Variants in ATP2B1 observed in about 807,000 individuals in gnomAD.
ATP2B1 encodes plasma membrane calcium-transporting ATPase 1.
In ATP2B1, 14 loss-of-function variants were observed where a neutral mutation model predicts 124.2. The ratio of observed to expected loss-of-function variants is 0.11; its 90% CI spans 0.07 to 0.18. The LOEUF (loss-of-function observed/expected upper bound fraction) is 0.18. Ranked by LOEUF, ATP2B1 falls within the 10% of genes least tolerant of loss-of-function variation. ATP2B1 has a pLI of 1.00. For missense variants in ATP2B1, 763 were observed against 1,466.1 expected (o/e 0.52, Z 7.83); for synonymous variants, 449 against 492.4 (o/e 0.91, Z 1.17).
chr12:89,707,030 T>A (rs1274180990), intron 1 of ATP2B1, among the ~76,000 whole-genome samples: 3 of 149,116 alleles, frequency 2.0e-5, no homozygotes, highest in East Asian at 4.2e-4. Context: ...AAAAAAAAAA[T>A]GTTTCTATTT....
rs1491452210 is a variant in ATP2B1 at position 89,677,954 on chromosome 12, T to TTATATATATATATGTATATA, written c.-221-21848_-221-21847insTATATACATATATATATATA. Among the ~76,000 whole-genome samples, 266 of 68,648 alleles carry TTATATATATATATGTATATA rather than the reference T, an allele frequency of 3.9e-3. 24 individuals carry two copies. Among genetic ancestry groups the TTATATATATATATGTATATA allele is most frequent in the South Asian group, 0.017 (30 of 1,726 alleles). The allele number at this position is 68,648 out of a possible 152,430, so 45.0% of individuals were successfully genotyped here. A position where few individuals can be genotyped will look rare whatever the true frequency, so the allele number is the denominator to read the frequency against. ...TCAGGGGGTTGGGGGCATGCAGGAA[T>TTATATATATATATGTATATA]TATATATATATATATATACACACAC... On this transcript the variant is annotated intron_variant, in intron 1 of 20. Transcript: ENST00000428670.
chr12:89,601,460 A>C, intron 18 of ATP2B1, 27 bp from the exon 19 acceptor site: 1 of 1,421,298 alleles, frequency 7.0e-7, no homozygotes, highest in Non-Finnish European at 9.5e-7. Context: ...GAGTAAATTT[A>C]CTTAAATCTT....
At chr12:89,621,423 A>T in intron 10 of ATP2B1, 126 bp downstream of exon 10, 1 of 685,480 alleles carries the variant, frequency 1.5e-6, no homozygotes, top group Non-Finnish European at 2.1e-6. Context: ...TATATAAATA[A>T]ATATATGCCT....
intron 1 of ATP2B1, among the ~76,000 whole-genome samples, chr12:89,703,976 T>C (rs992457310): frequency 6.6e-6 from 1 of 152,286 alleles, no homozygotes; most frequent in Middle Eastern, 3.4e-3. Flanking sequence ...CTCCCCCAGG[T>C]GATTCTTCAT....
intron 8 of ATP2B1, among the ~76,000 whole-genome samples, chr12:89,625,537 A>C (rs1297424555): frequency 7.1e-6 from 1 of 140,424 alleles, no homozygotes; most frequent in African/African-American, 2.7e-5. Flanking sequence ...GTGAGCTGTG[A>C]TCATGCCACT....
chr12:89,608,315 C>T (rs755369300), intron 15 of ATP2B1, among the ~76,000 whole-genome samples: 1 of 151,946 alleles, frequency 6.6e-6, no homozygotes, highest in Non-Finnish European at 1.5e-5. Flanking sequence ...ATTACAGGCG[C>T]GACCACCACA....
intron 1 of ATP2B1, among the ~76,000 whole-genome samples, chr12:89,687,006 C>T (rs191269743): frequency 1.3e-5 from 2 of 151,698 alleles, no homozygotes; most frequent in African/African-American, 4.8e-5. Context: ...AGAAAATATT[C>T]GGGGGGAAAA....
intron 3 of ATP2B1, among the ~76,000 whole-genome samples, chr12:89,638,886 T>C (rs1385086821): frequency 6.6e-6 from 1 of 152,198 alleles, no homozygotes; most frequent in Non-Finnish European, 1.5e-5. Flanking sequence ...TCCATTTTTA[T>C]TTAGAATATA....
chr12:89,666,501 C>G (rs1424720027), intron 1 of ATP2B1, among the ~76,000 whole-genome samples: 1 of 152,202 alleles, frequency 6.6e-6, no homozygotes, highest in Non-Finnish European at 1.5e-5. Flanking sequence ...TTCTGACCTT[C>G]AAGTTCAAAG....
intron 1 of ATP2B1, among the ~76,000 whole-genome samples, chr12:89,676,443 C>A (rs373794415): frequency 6.6e-6 from 1 of 152,082 alleles, no homozygotes; most frequent in Non-Finnish European, 1.5e-5. Context: ...CTCCCTCTCT[C>A]GCTACACATA....
intron 1 of ATP2B1, among the ~76,000 whole-genome samples, chr12:89,676,779 A>T (rs1888660670): frequency 6.6e-6 from 1 of 152,164 alleles, no homozygotes; most frequent in South Asian, 2.1e-4. Flanking sequence ...CATACAAAAC[A>T]AAACGTTCTG....
At chr12:89,702,698 A>G (rs886094281) in intron 1 of ATP2B1, among the ~76,000 whole-genome samples, 1 of 152,184 alleles carries the variant, frequency 6.6e-6, no homozygotes, top group African/African-American at 2.4e-5. Context: ...CAGATTTCAC[A>G]GTGTAAGCAA....
chr12:89,706,672 G>A (rs183938755), intron 1 of ATP2B1, among the ~76,000 whole-genome samples: 49 of 152,114 alleles, frequency 3.2e-4, no homozygotes, highest in Non-Finnish European at 5.9e-4. Flanking sequence ...CCCCTTACAC[G>A]TCAAAATGGG....
At chr12:89,653,681 C>T (rs1028263821) in intron 2 of ATP2B1, among the ~76,000 whole-genome samples, 2 of 152,182 alleles carry the variant, frequency 1.3e-5, no homozygotes, top group Admixed American at 6.5e-5. Context: ...ACATAACTAT[C>T]CCCTTCTCAA....
At chr12:89,641,698 G>C (rs2136238112) in intron 3 of ATP2B1, 1 of 153,388 alleles carries the variant, frequency 6.5e-6, no homozygotes, top group South Asian at 2.0e-4. Context: ...ATAATGGCAA[G>C]GAAATTATCC....
chr12:89,605,001 A>G (rs1697129630), intron 15 of ATP2B1, among the ~76,000 whole-genome samples: 1 of 152,138 alleles, frequency 6.6e-6, no homozygotes, highest in South Asian at 2.1e-4. Flanking sequence ...TCAACAGGAG[A>G]ATGGGGTAAT....
At position 89,627,826 on chromosome 12, in the gene ATP2B1, T is replaced by G. The variant is rs1327034270; in HGVS notation, c.929-110A>C. On this transcript the variant is annotated intron_variant, in intron 6 of 20. Transcript: ENST00000428670. ...ATAACAGTTGTTACACAATGGTGTG[T>G]GTGTCTACAGATTAGAAAACATTTG... 5 of 1,178,156 alleles carry G rather than the reference T, an allele frequency of 4.2e-6. No individual in the cohort carries two copies. In the Admixed American group the frequency reaches 9.7e-5, roughly 23 times the overall value. 73.0% of individuals were successfully genotyped at this position (1,178,156 alleles called of 1,614,324 possible).
intron 1 of ATP2B1, among the ~76,000 whole-genome samples, chr12:89,698,405 G>A (rs1891425922): frequency 6.6e-6 from 1 of 152,150 alleles, no homozygotes; most frequent in African/African-American, 2.4e-5. Context: ...ATGATTCCAT[G>A]TACATAAAAT....
chr12:89,625,261 G>A (rs1880665925), intron 8 of ATP2B1, among the ~76,000 whole-genome samples: 1 of 149,328 alleles, frequency 6.7e-6, no homozygotes, highest in African/African-American at 2.5e-5. Flanking sequence ...GCAAGACTCT[G>A]TCTCCCACCC....
Sources: allele counts gnomAD v4.1 joint callset (sites outside exome capture counted in the v4.1 genomes callset), GRCh38; gene constraint gnomAD v4.1.1; transcripts MANE v1.5; gene names NCBI Gene and HGNC (gene_info 2026-07-23, HGNC 2026-07-21).